The following LDLRAD4 variants were observed in gnomAD, a reference collection of about 807,000 sequenced individuals.
The protein encoded by LDLRAD4 is low density lipoprotein receptor class A domain containing 4, also known as low-density lipoprotein receptor class A domain-containing protein 4.
A neutral mutation model predicts 17.0 loss-of-function variants in LDLRAD4; 5 were observed. That is an observed-to-expected ratio of 0.29 (90% CI 0.15 to 0.62). The LOEUF (loss-of-function observed/expected upper bound fraction) is 0.62, where lower values mean the gene tolerates loss of function less well. LDLRAD4 is among the 20% of genes least tolerant of loss of function. The probability of loss-of-function intolerance (pLI) is 0.84; values close to 1 mark genes in which losing one functional copy is unlikely to be tolerated. For missense variants in LDLRAD4, 340 were observed against 424.7 expected, an observed-to-expected ratio of 0.80 and a Z score of 1.75; for synonymous variants, 168 against 171.8, an observed-to-expected ratio of 0.98 and a Z score of 0.17.
chr18:13,395,073 C>T (rs572849299), intron 2 of LDLRAD4, among the ~76,000 whole-genome samples: 14 of 152,254 alleles, frequency 9.2e-5, no homozygotes, highest in African/African-American at 2.4e-4. Flanking sequence ...CAGCCTGCCC[C>T]GGTCACGCCC....
rs1011283212 is a variant in LDLRAD4, at chr18:13,560,849, C to T, written c.182-60268C>T. 6.6e-5 allele frequency among the ~76,000 whole-genome samples: 10 copies of T among 152,312 alleles called. No individual in the cohort carries two copies. In the South Asian group the frequency reaches 8.3e-4, roughly 13 times the overall value. On this transcript the variant is annotated intron_variant, in intron 3 of 5. Coordinates refer to ENST00000359446, the Ensembl canonical transcript of LDLRAD4. Reference sequence around the variant, plus strand: ...AAGTAGAGAACAGAGTGCAGACCTGCGGTTGAAATGACTCTTGGAAGGGCT... The same window carrying T: ...AAGTAGAGAACAGAGTGCAGACCTGTGGTTGAAATGACTCTTGGAAGGGCT...
intron 1 of LDLRAD4, among the ~76,000 whole-genome samples, chr18:13,268,007 T>G (rs1274163986): frequency 6.6e-6 from 1 of 152,216 alleles, no homozygotes; most frequent in Non-Finnish European, 1.5e-5. Context: ...GGACGACAAC[T>G]ACTACCCCCA....
At chr18:13,262,381 A>G (rs1327009115) in intron 1 of LDLRAD4, among the ~76,000 whole-genome samples, 8 of 101,354 alleles carry the variant, frequency 7.9e-5, no homozygotes, top group Admixed American at 2.0e-4. Context: ...TGTGCGTGGA[A>G]ACTGAGTCCC....
intron 1 of LDLRAD4, among the ~76,000 whole-genome samples, chr18:13,271,006 C>T (rs2044504167): frequency 6.6e-6 from 1 of 152,102 alleles, no homozygotes; most frequent in African/African-American, 2.4e-5. Flanking sequence ...GTGACTACTA[C>T]TATGGGGGAT....
At chr18:13,637,983 G>A (rs1204918128) in intron 4 of LDLRAD4, among the ~76,000 whole-genome samples, 2 of 151,724 alleles carry the variant, frequency 1.3e-5, no homozygotes, top group Non-Finnish European at 2.9e-5. Context: ...CCTGTTTGCT[G>A]AAGCTTATTT....
intron 1 of LDLRAD4, among the ~76,000 whole-genome samples, chr18:13,312,068 C>T (rs2047268900): frequency 6.6e-6 from 1 of 152,050 alleles, no homozygotes; most frequent in South Asian, 2.1e-4. Context: ...ATCTCCTGAC[C>T]TCAAGATCCG....
At chr18:13,527,714 G>A (rs2094055728) in intron 3 of LDLRAD4, among the ~76,000 whole-genome samples, 1 of 152,212 alleles carries the variant, frequency 6.6e-6, no homozygotes, top group South Asian at 2.1e-4. Context: ...GAGAGCAAAG[G>A]AGGGGAAGTA....
chr18:13,434,402 G>A (rs1035667016), intron 2 of LDLRAD4, among the ~76,000 whole-genome samples: 1 of 152,046 alleles, frequency 6.6e-6, no homozygotes, highest in Non-Finnish European at 1.5e-5. Flanking sequence ...GGAGACACTG[G>A]TTCCTGAGCA....
chr18:13,567,453 C>G lies in LDLRAD4; in HGVS notation c.182-53664C>G, dbSNP rs563600638. Among the ~76,000 whole-genome samples, 768 of 152,278 alleles carry G rather than the reference C, an allele frequency of 5.0e-3. 7 individuals are homozygous for G. Among genetic ancestry groups the G allele is most frequent in the South Asian group, 0.014 (70 of 4,832 alleles). On this transcript the variant is annotated intron_variant, in intron 3 of 5. Transcript: ENST00000359446. Reference sequence around the variant, plus strand: ...GCCTGCAAACGCACTGTCACCACCCCCCGCCGCTGCAGCCCCCCAGGAGTT... The same window carrying G: ...GCCTGCAAACGCACTGTCACCACCCGCCGCCGCTGCAGCCCCCCAGGAGTT...
At chr18:13,250,535 A>G (rs1438359556) in intron 1 of LDLRAD4, among the ~76,000 whole-genome samples, 3 of 152,216 alleles carry the variant, frequency 2.0e-5, no homozygotes, top group African/African-American at 4.8e-5. Context: ...TAAAATCAGA[A>G]GTGAAAAAGT....
At chr18:13,610,290 TTTTTTTTTTTTTTTTGAG>T (rs2039398438) in intron 3 of LDLRAD4, among the ~76,000 whole-genome samples, 2 of 64,776 alleles carry the variant, frequency 3.1e-5, no homozygotes, top group African/African-American at 1.3e-4. Context: ...TTTTTTTTTT[TTTTTTTTTTTTTTTTGAG>T]ACGGAGTCTC....
chr18:13,242,205 T>A (rs2042694999), intron 1 of LDLRAD4: 1 of 152,274 alleles, frequency 6.6e-6, no homozygotes, highest in African/African-American at 2.4e-5. Flanking sequence ...ATCGCTTGTT[T>A]TCACGTCTGC....
intron 1 of LDLRAD4, among the ~76,000 whole-genome samples, chr18:13,307,249 C>T (rs565696923): frequency 3.9e-5 from 6 of 152,284 alleles, no homozygotes; most frequent in African/African-American, 9.6e-5. Context: ...CCTCCTTCAT[C>T]GCTTCTGTCT....
At chr18:13,600,979 G>T (rs2095153922) in intron 3 of LDLRAD4, among the ~76,000 whole-genome samples, 1 of 152,118 alleles carries the variant, frequency 6.6e-6, no homozygotes, top group Admixed American at 6.5e-5. Context: ...ATCAAAACAA[G>T]ACCATGTTTC....
At chr18:13,547,196 A>G (rs2094377699) in intron 3 of LDLRAD4, among the ~76,000 whole-genome samples, 1 of 152,220 alleles carries the variant, frequency 6.6e-6, no homozygotes, top group South Asian at 2.1e-4. Context: ...AAAATGTACC[A>G]CTTCGTCATT....
chr18:13,313,684 T>C (rs1309260704), intron 1 of LDLRAD4, among the ~76,000 whole-genome samples: 1 of 152,232 alleles, frequency 6.6e-6, no homozygotes, highest in Non-Finnish European at 1.5e-5. Context: ...CTGCGTTTAA[T>C]TGTACTTAGC....
intron 2 of LDLRAD4, among the ~76,000 whole-genome samples, chr18:13,408,686 T>G (rs953092831): frequency 6.6e-6 from 1 of 151,920 alleles, no homozygotes; most frequent in Non-Finnish European, 1.5e-5. Context: ...TTGGCCAGGC[T>G]GATCTTGAAC....
At chr18:13,497,319 G>A (rs180793479) in intron 3 of LDLRAD4, among the ~76,000 whole-genome samples, 3 of 151,546 alleles carry the variant, frequency 2.0e-5, no homozygotes, top group East Asian at 2.0e-4. Flanking sequence ...TGGGACTACC[G>A]GGACATGCCA....
At chr18:13,386,453 C>T (rs750120815) in intron 1 of LDLRAD4, among the ~76,000 whole-genome samples, 68 of 151,668 alleles carry the variant, frequency 4.5e-4, no homozygotes, top group Non-Finnish European at 7.8e-4. Context: ...ACTGCAACCT[C>T]GCCTCCCGGG....
Sources: allele counts gnomAD v4.1 joint callset (sites outside exome capture counted in the v4.1 genomes callset), GRCh38; gene constraint gnomAD v4.1.1; transcripts MANE v1.5; gene names NCBI Gene and HGNC (gene_info 2026-07-23, HGNC 2026-07-21).